The following DPYD variants were observed in gnomAD, a reference collection of about 807,000 sequenced individuals.
DPYD encodes the protein dihydropyrimidine dehydrogenase.
Under a neutral mutation model 116.2 loss-of-function variants are expected in DPYD, and 109 were observed. The observed-to-expected ratio is 0.94, with a 90% confidence interval of 0.80 to 1.10. The LOEUF (loss-of-function observed/expected upper bound fraction) is 1.10, where lower values mean the gene tolerates loss of function less well. DPYD is among the 50% of genes least tolerant of loss of function. DPYD has a pLI of 0.00. For missense variants in DPYD, 1,302 were observed against 1,254.5 expected (o/e 1.04, Z -0.57); for synonymous variants, 440 against 432.0 (o/e 1.02, Z -0.23).
intron 2 of DPYD, among the ~76,000 whole-genome samples, chr1:97,882,080 C>A (rs982490379): frequency 1.8e-4 from 27 of 151,612 alleles, no homozygotes; most frequent in African/African-American, 6.0e-4. Flanking sequence ...TATTCAATTG[C>A]TCTTATCATT....
At chr1:97,753,293 TATG>T (rs1665036976) in intron 3 of DPYD, among the ~76,000 whole-genome samples, 1 of 152,208 alleles carries the variant, frequency 6.6e-6, no homozygotes, top group Non-Finnish European at 1.5e-5. Context: ...TGCCTATTTG[TATG>T]ATCCTGATAA....
chr1:97,596,013 T>A (rs1186484019), intron 8 of DPYD, among the ~76,000 whole-genome samples: 1 of 152,054 alleles, frequency 6.6e-6, no homozygotes, highest in African/African-American at 2.4e-5. Flanking sequence ...TAGTCTTAAA[T>A]CTATCTTAAG....
chr1:97,109,347 G>T (rs1651422797), intron 20 of DPYD, among the ~76,000 whole-genome samples: 1 of 152,108 alleles, frequency 6.6e-6, no homozygotes, highest in African/African-American at 2.4e-5. Flanking sequence ...AGTCCTTCCA[G>T]TGCCTTAGGA....
intron 14 of DPYD, among the ~76,000 whole-genome samples, chr1:97,413,228 A>C (rs1358847570): frequency 6.6e-6 from 1 of 152,146 alleles, no homozygotes; most frequent in East Asian, 1.9e-4. Context: ...CTTTCTTGAG[A>C]CCATGCTGCG....
chr1:97,567,839 C>T (rs1424932985), intron 11 of DPYD, among the ~76,000 whole-genome samples: 1 of 150,980 alleles, frequency 6.6e-6, no homozygotes, highest in African/African-American at 2.4e-5. Flanking sequence ...GTGCTTTTTA[C>T]ATACCTCATT....
intron 5 of DPYD, among the ~76,000 whole-genome samples, chr1:97,718,912 A>C (rs1662767271): frequency 6.6e-6 from 1 of 151,592 alleles, no homozygotes; most frequent in Non-Finnish European, 1.5e-5. Flanking sequence ...AAATTCAAAA[A>C]CCATCATGTG....
At chr1:97,594,924 T>C in intron 9 of DPYD, 135 bp downstream of exon 9, 2 of 629,928 alleles carry the variant, frequency 3.2e-6, no homozygotes, top group Non-Finnish European at 5.4e-6. Flanking sequence ...TTTTTTTTTT[T>C]AATTTTACAT....
chr1:97,647,353 C>T (rs1040049492), intron 8 of DPYD, among the ~76,000 whole-genome samples: 4 of 151,690 alleles, frequency 2.6e-5, no homozygotes, highest in Non-Finnish European at 5.9e-5. Context: ...AGTACAGAGC[C>T]AAATGTCTAT....
chr1:97,718,492 T>G, intron 5 of DPYD, among the ~76,000 whole-genome samples: 1 of 152,138 alleles, frequency 6.6e-6, no homozygotes, highest in Middle Eastern at 3.4e-3. Context: ...TATATTTAGA[T>G]GTCAATATCA....
intron 14 of DPYD, among the ~76,000 whole-genome samples, chr1:97,426,526 C>T (rs1351218133): frequency 6.6e-6 from 1 of 151,832 alleles, no homozygotes; most frequent in African/African-American, 2.4e-5. Context: ...GGTTTGGTGA[C>T]ATAGAATGCT....
At chr1:97,116,627 G>T (rs1429128876) in intron 20 of DPYD, among the ~76,000 whole-genome samples, 1 of 151,888 alleles carries the variant, frequency 6.6e-6, no homozygotes, top group Non-Finnish European at 1.5e-5. Flanking sequence ...AGCCAGGATT[G>T]TGTCACTGCA....
chr1:97,837,575 C>G (rs936607152), intron 2 of DPYD, among the ~76,000 whole-genome samples: 1 of 152,100 alleles, frequency 6.6e-6, no homozygotes, highest in Non-Finnish European at 1.5e-5. Flanking sequence ...ATATTATAGT[C>G]TAAACTCCTA....
chr1:97,509,538 T>C (rs1023192500), intron 13 of DPYD, among the ~76,000 whole-genome samples: 4 of 151,904 alleles, frequency 2.6e-5, no homozygotes, highest in African/African-American at 9.7e-5. Context: ...ACGTGTTCAG[T>C]TGAGTGTTTC....
chr1:97,185,158 T>A (rs1657908852), intron 20 of DPYD, among the ~76,000 whole-genome samples: 1 of 151,784 alleles, frequency 6.6e-6, no homozygotes, highest in Non-Finnish European at 1.5e-5. Flanking sequence ...AATTAAAAAA[T>A]TAAAAAATGG....
intron 13 of DPYD, among the ~76,000 whole-genome samples, chr1:97,487,910 T>A (rs1456045561): frequency 2.0e-5 from 3 of 152,162 alleles, no homozygotes; most frequent in Admixed American, 1.3e-4. Flanking sequence ...GACCCATCAA[T>A]TGCACTCCCT....
chr1:97,667,628 T>C (rs1417028581), intron 8 of DPYD, among the ~76,000 whole-genome samples: 1 of 152,074 alleles, frequency 6.6e-6, no homozygotes, highest in Admixed American at 6.6e-5. Context: ...AAATATAAAA[T>C]GGTGTAGCTA....
chr1:97,808,093 T>A (rs1432588711), intron 3 of DPYD, among the ~76,000 whole-genome samples: 1 of 152,136 alleles, frequency 6.6e-6, no homozygotes. Flanking sequence ...TTAGTTATTC[T>A]GAGTCTTCTG....
chr1:97,429,570 C>T (rs895949155), intron 14 of DPYD, among the ~76,000 whole-genome samples: 1 of 151,912 alleles, frequency 6.6e-6, no homozygotes, highest in African/African-American at 2.4e-5. Context: ...ACTTTCTAGT[C>T]TTTTTATCTT....
chr1:97,777,939 C>T (rs1301235647), intron 3 of DPYD, among the ~76,000 whole-genome samples: 2 of 151,776 alleles, frequency 1.3e-5, no homozygotes, highest in East Asian at 1.9e-4. Context: ...AGGCAGATCA[C>T]CTGAGGTCAG....
Sources: allele counts gnomAD v4.1 joint callset (sites outside exome capture counted in the v4.1 genomes callset), GRCh38; gene constraint gnomAD v4.1.1; transcripts MANE v1.5; gene names NCBI Gene and HGNC (gene_info 2026-07-23, HGNC 2026-07-21).